Variants in SORBS2 observed in about 807,000 individuals in gnomAD.
The protein encoded by SORBS2 is sorbin and SH3 domain containing 2, also known as sorbin and SH3 domain-containing protein 2.
A neutral mutation model predicts 97.7 loss-of-function variants in SORBS2; 46 were observed. The ratio of observed to expected loss-of-function variants is 0.47; its 90% CI spans 0.37 to 0.60. SORBS2 has a LOEUF of 0.60. SORBS2 is among the 20% of genes least tolerant of loss of function. SORBS2 has a pLI of 0.00. For synonymous variants in SORBS2, 476 were observed against 473.4 expected (o/e 1.01, Z -0.07); for missense variants, 1,316 against 1,282.3 (o/e 1.03, Z -0.40).
At chr4:185,664,011 C>T (rs1204246492) in intron 4 of SORBS2, among the ~76,000 whole-genome samples, 2 of 151,780 alleles carry the variant, frequency 1.3e-5, no homozygotes, top group African/African-American at 2.4e-5. Context: ...CCCACCACCA[C>T]GCCCGGCTAA....
intron 4 of SORBS2, among the ~76,000 whole-genome samples, chr4:185,639,883 C>A (rs1282579180): frequency 6.6e-6 from 1 of 152,104 alleles, no homozygotes; most frequent in Non-Finnish European, 1.5e-5. Context: ...ATAGCGACAT[C>A]TTGGTTGTGA....
exon 15 of SORBS2, chr4:185,586,900 C>CATG (rs1176813215): frequency 6.6e-6 from 1 of 152,642 alleles, no homozygotes; most frequent in Non-Finnish European, 1.5e-5. Context: ...CTTGTATTGT[C>CATG]ATGATTATTA....
intron 1 of SORBS2, among the ~76,000 whole-genome samples, chr4:185,781,402 A>T (rs1293606044): frequency 6.6e-6 from 1 of 152,248 alleles, no homozygotes; most frequent in Non-Finnish European, 1.5e-5. Flanking sequence ...AGCCTTCTCC[A>T]TGTGGCCCAC....
intron 1 of SORBS2, among the ~76,000 whole-genome samples, chr4:185,887,267 C>T (rs1219600269): frequency 3.3e-5 from 5 of 152,084 alleles, no homozygotes; most frequent in South Asian, 2.1e-4. Context: ...CTACATGGGC[C>T]GGGTAGAAGA....
chr4:185,677,745 T>A, intron 4 of SORBS2: 2 of 728,932 alleles, frequency 2.7e-6, no homozygotes, highest in Non-Finnish European at 4.1e-6. Flanking sequence ...TTTACAGAAG[T>A]AAAGCAATGC....
chr4:185,942,815 T>C (rs910991978), intron 1 of SORBS2, among the ~76,000 whole-genome samples: 5 of 152,106 alleles, frequency 3.3e-5, no homozygotes, highest in South Asian at 2.1e-4. Context: ...GTATGTCTTA[T>C]ATTAGATCTT....
Position 185,897,693 on chromosome 4 carries a change from C to A in SORBS2, c.-338+58503G>T, listed in dbSNP as rs563676513. On this transcript the variant is annotated intron_variant, in intron 1 of 20. Transcript: ENST00000284776. ...AGCCTACAACAGGTATAGAAAGTCACGGAACACAGATGGCTAAGGTTCAAA... is the reference window on the plus strand; with the variant it reads ...AGCCTACAACAGGTATAGAAAGTCAAGGAACACAGATGGCTAAGGTTCAAA... Among the ~76,000 whole-genome samples, 25 of 152,246 alleles carry A rather than the reference C, an allele frequency of 1.6e-4. No individual in the cohort carries two copies. The South Asian group carries it at 4.8e-3, about 29-fold the overall frequency.
chr4:185,693,490 G>T (rs536971070), intron 2 of SORBS2, among the ~76,000 whole-genome samples: 1 of 152,132 alleles, frequency 6.6e-6, no homozygotes, highest in East Asian at 1.9e-4. Flanking sequence ...GAAAAGAAAA[G>T]CCTCAGGGGA....
intron 1 of SORBS2, among the ~76,000 whole-genome samples, chr4:185,874,636 C>T (rs2099232312): frequency 6.6e-6 from 1 of 152,172 alleles, no homozygotes; most frequent in Non-Finnish European, 1.5e-5. Context: ...ACATTCCATT[C>T]TCTACTGATA....
At chr4:185,614,195 C>T (rs1363739947) in intron 11 of SORBS2, among the ~76,000 whole-genome samples, 17 of 110,492 alleles carry the variant, frequency 1.5e-4, no homozygotes, top group African/African-American at 4.3e-4. Flanking sequence ...GATGGAATCT[C>T]GCTCACCTGC....
At chr4:185,863,816 T>G (rs994322380) in intron 1 of SORBS2, among the ~76,000 whole-genome samples, 1 of 152,224 alleles carries the variant, frequency 6.6e-6, no homozygotes, top group African/African-American at 2.4e-5. Context: ...GAATTAAATA[T>G]AACCTCTTCA....
intron 2 of SORBS2, among the ~76,000 whole-genome samples, chr4:185,738,821 T>C (rs1212526467): frequency 2.0e-5 from 3 of 152,248 alleles, no homozygotes; most frequent in Non-Finnish European, 4.4e-5. Context: ...TGTTACACTT[T>C]CAAGTCTCCC....
chr4:185,625,048 G>A (rs1473626118), intron 6 of SORBS2, among the ~76,000 whole-genome samples: 3 of 152,162 alleles, frequency 2.0e-5, no homozygotes, highest in African/African-American at 7.2e-5. Flanking sequence ...AAGCTATAAG[G>A]CAAAGTATTC....
At chr4:185,848,540 G>A (rs757083167) in intron 1 of SORBS2, among the ~76,000 whole-genome samples, 15 of 147,190 alleles carry the variant, frequency 1.0e-4, no homozygotes, top group Non-Finnish European at 1.6e-4. Flanking sequence ...TAGAAAAACT[G>A]TCACACAAAT....
chr4:185,686,005 T>C (rs1368519335), intron 2 of SORBS2, among the ~76,000 whole-genome samples: 3 of 152,240 alleles, frequency 2.0e-5, no homozygotes, highest in Non-Finnish European at 4.4e-5. Flanking sequence ...TATGACCAGA[T>C]TCAAATTCCA....
At chr4:185,884,601 A>G (rs574683373) in intron 1 of SORBS2, among the ~76,000 whole-genome samples, 3 of 152,206 alleles carry the variant, frequency 2.0e-5, no homozygotes, top group Non-Finnish European at 2.9e-5. Context: ...ATTTCCATCA[A>G]CTTGGCCTTT....
chr4:185,793,353 C>CG (rs2099090054), intron 1 of SORBS2, among the ~76,000 whole-genome samples: 1 of 152,218 alleles, frequency 6.6e-6, no homozygotes, highest in Non-Finnish European at 1.5e-5. Flanking sequence ...ACATTCTATC[C>CG]TGTCATCATT....
At chr4:185,700,096 C>T (rs530392297) in intron 2 of SORBS2, among the ~76,000 whole-genome samples, 84 of 152,250 alleles carry the variant, frequency 5.5e-4, no homozygotes, top group African/African-American at 2.0e-3. Context: ...TCTTGACAGG[C>T]TGAATTAAAT....
chr4:185,773,695 GC>G (rs1411634396), intron 2 of SORBS2: 1 of 152,260 alleles, frequency 6.6e-6, no homozygotes, highest in African/African-American at 2.4e-5. Flanking sequence ...GGGACCGTTT[GC>G]CAGGGAACGT....
Sources: allele counts gnomAD v4.1 joint callset (sites outside exome capture counted in the v4.1 genomes callset), GRCh38; gene constraint gnomAD v4.1.1; transcripts MANE v1.5; gene names NCBI Gene and HGNC (gene_info 2026-07-23, HGNC 2026-07-21).